The following CBX1 variants were observed in gnomAD, a reference collection of about 807,000 sequenced individuals.
CBX1 encodes the protein chromobox protein homolog 1.
In CBX1, 10 loss-of-function variants were observed where a neutral mutation model predicts 25.1. That is an observed-to-expected ratio of 0.40 (90% CI 0.25 to 0.68). CBX1 has a LOEUF of 0.68. CBX1 is among the 30% of genes least tolerant of loss of function. CBX1 has a pLI of 0.40. For missense variants in CBX1, 106 were observed against 218.5 expected (o/e 0.49, Z 3.25); for synonymous variants, 63 against 79.4 (o/e 0.79, Z 1.10).
intron 1 of CBX1, among the ~76,000 whole-genome samples, chr17:48,099,184 C>T (rs912465410): frequency 2.0e-5 from 3 of 150,840 alleles, no homozygotes; most frequent in African/African-American, 7.3e-5. Context: ...CTCACTGCAA[C>T]CTCTGCCTCC....
chr17:48,091,034 A>C (rs2063341379), intron 1 of CBX1, among the ~76,000 whole-genome samples: 1 of 152,262 alleles, frequency 6.6e-6, no homozygotes, highest in Non-Finnish European at 1.5e-5. Flanking sequence ...AAATTTCTTT[A>C]GAATAACATT....
intron 1 of CBX1, among the ~76,000 whole-genome samples, chr17:48,083,343 A>C (rs1157331486): frequency 6.7e-6 from 1 of 150,128 alleles, no homozygotes; most frequent in Non-Finnish European, 1.5e-5. Context: ...CTGCACCCCT[A>C]TTGTCAGGGG....
At chr17:48,073,217 T>C (rs1487923036) in intron 4 of CBX1, among the ~76,000 whole-genome samples, 2 of 152,084 alleles carry the variant, frequency 1.3e-5, no homozygotes, top group Non-Finnish European at 2.9e-5. Context: ...TGATGACATC[T>C]CTGACAAAGC....
intron 1 of CBX1, 35 bp downstream of exon 1, chr17:48,101,232 CT>C: frequency 1.0e-6 from 1 of 989,660 alleles, no homozygotes; most frequent in Non-Finnish European, 1.2e-6. Context: ...GCCGCGCCCC[CT>C]CCCCCAGCTC....
rs1199186252 is a variant in CBX1, at chr17:48,071,992, AG to A, written c.414-414del. On this transcript the variant is annotated intron_variant, in intron 4 of 4. Transcript: ENST00000225603. ...CATGGAGAAATCTTGGCTTTGTAAT[AG>A]GATTTTTTTTTTTTTTTTTTTGAGA... 6.2e-3 allele frequency among the ~76,000 whole-genome samples: 700 copies of A among 113,458 alleles called. 3 individuals are homozygous for A. Among genetic ancestry groups the A allele is most frequent in the African/African-American group, 0.024 (655 of 27,750 alleles). 74.4% of individuals were successfully genotyped at this position (113,458 alleles called of 152,430 possible).
intron 3 of CBX1, 54 bp from the exon 4 acceptor site, chr17:48,075,154 A>G (rs1050122249): frequency 1.8e-6 from 2 of 1,141,770 alleles, no homozygotes; most frequent in Non-Finnish European, 2.7e-6. Context: ...TATTATCCAG[A>G]CTGGAACCAT....
intron 4 of CBX1, among the ~76,000 whole-genome samples, chr17:48,074,524 C>T (rs2037656603): frequency 1.3e-5 from 2 of 152,156 alleles, no homozygotes; most frequent in African/African-American, 4.8e-5. Flanking sequence ...CTTGCTGACC[C>T]CTGCTGGCTG....
intron 4 of CBX1, among the ~76,000 whole-genome samples, chr17:48,072,880 C>T (rs1173152487): frequency 6.6e-6 from 1 of 152,056 alleles, no homozygotes; most frequent in African/African-American, 2.4e-5. Context: ...CCTATAATCC[C>T]AGCACTTTGG....
chr17:48,078,072 CAAAA>C (rs572850174), intron 1 of CBX1, among the ~76,000 whole-genome samples: 1 of 143,338 alleles, frequency 7.0e-6, no homozygotes. Flanking sequence ...GACACTGTCT[CAAAA>C]AAAAAAGAAA....
Position 48,089,746 on chromosome 17 carries a change from C to A in CBX1, c.-38+11522G>T, listed in dbSNP as rs1170208725. Among the ~76,000 whole-genome samples, 4 of 149,274 alleles carry A rather than the reference C, an allele frequency of 2.7e-5. No homozygotes were observed. In the East Asian group the frequency reaches 8.7e-4, roughly 32 times the overall value. On this transcript the variant is annotated intron_variant, in intron 1 of 4. Coordinates refer to ENST00000225603, the MANE Select transcript of CBX1 (RefSeq NM_001127228.2). ...GCTGAGGCAGGAGAATCACTTGAAC[C>A]CGGGAGGTGGAGGTTGTAGTGGGCC... is the stretch of plus-strand genomic sequence containing the variant.
chr17:48,089,911 C>A (rs193250187), intron 1 of CBX1, among the ~76,000 whole-genome samples: 4 of 151,230 alleles, frequency 2.6e-5, no homozygotes, highest in African/African-American at 9.7e-5. Context: ...AAAATTTTAA[C>A]GAAATTTATT....
intron 1 of CBX1, among the ~76,000 whole-genome samples, chr17:48,098,842 G>A (rs2063390929): frequency 1.3e-5 from 2 of 152,042 alleles, no homozygotes; most frequent in Non-Finnish European, 2.9e-5. Flanking sequence ...TTTAAAAAAG[G>A]GAGGTTTTGC....
At chr17:48,098,411 G>A (rs564442071) in intron 1 of CBX1, among the ~76,000 whole-genome samples, 1 of 152,262 alleles carries the variant, frequency 6.6e-6, no homozygotes, top group Admixed American at 6.5e-5. Context: ...GGATCTCAAA[G>A]CTCCCCTATT....
At chr17:48,099,911 C>T (rs1196698159) in intron 1 of CBX1, among the ~76,000 whole-genome samples, 1 of 151,982 alleles carries the variant, frequency 6.6e-6, no homozygotes, top group African/African-American at 2.4e-5. Flanking sequence ...GAGGCCGACG[C>T]GGGAGGATCA....
chr17:48,100,327 C>T (rs993387382), intron 1 of CBX1, among the ~76,000 whole-genome samples: 1 of 152,054 alleles, frequency 6.6e-6, no homozygotes. Context: ...CGCCGTTCCT[C>T]AACTATTAAC....
At position 48,071,200 on chromosome 17, in the gene CBX1, A is replaced by G; in HGVS notation, c.*235T>C. 1 of 373,536 alleles carries G rather than the reference A, an allele frequency of 2.7e-6. No homozygotes were observed. The highest frequency in any genetic ancestry group is 4.8e-6 in the Non-Finnish European group (1 of 208,054). 23.1% of individuals were successfully genotyped at this position (373,536 alleles called of 1,614,324 possible). A position where few individuals can be genotyped will look rare whatever the true frequency, so the allele number is the denominator to read the frequency against. On this transcript the variant is annotated 3_prime_UTR_variant, in exon 5 of 5. Transcript: ENST00000225603. ...CCCTTTGCTTTTCGCAGCAAAGTGC[A>G]GAAAAGGTTGCCTTGAAACACTTAT...
chr17:48,079,123 CTT>C (rs1226697664), intron 1 of CBX1, among the ~76,000 whole-genome samples: 1 of 140,390 alleles, frequency 7.1e-6, no homozygotes, highest in African/African-American at 2.7e-5. Flanking sequence ...ACCTCCCCCT[CTT>C]TGAGATGGAG....
intron 4 of CBX1, among the ~76,000 whole-genome samples, chr17:48,071,870 C>T (rs1567762499): frequency 6.6e-6 from 1 of 152,092 alleles, no homozygotes; most frequent in Non-Finnish European, 1.5e-5. Flanking sequence ...AAGCATGACT[C>T]TCTAGATTCT....
intron 1 of CBX1, among the ~76,000 whole-genome samples, chr17:48,078,787 C>CTTTTTTTTTT (rs1184844619): frequency 7.9e-5 from 6 of 76,258 alleles, no homozygotes; most frequent in African/African-American, 1.3e-4. Context: ...CGTGCCTGGA[C>CTTTTTTTTTT]TTTTTTTTTT....
Sources: gnomAD v4.1 joint callset for allele counts (sites outside exome capture counted in the v4.1 genomes callset) on GRCh38, gnomAD v4.1.1 for gene constraint, MANE v1.5 for transcripts, NCBI Gene and HGNC (gene_info 2026-07-23, HGNC 2026-07-21) for gene names.